The following CNKSR3 variants were observed in gnomAD, a reference collection of about 807,000 sequenced individuals.
CNKSR3 encodes the protein CNKSR family member 3.
In CNKSR3, 36 loss-of-function variants were observed where a neutral mutation model predicts 67.7. The ratio of observed to expected loss-of-function variants is 0.53; its 90% confidence interval spans 0.41 to 0.70. The LOEUF (loss-of-function observed/expected upper bound fraction) is 0.70. Among genes scored for constraint, CNKSR3 ranks in the 30% least tolerant of loss-of-function variants. CNKSR3 has a pLI of 0.00. For synonymous variants in CNKSR3, 281 were observed against 271.4 expected (o/e 1.04, Z -0.35); for missense variants, 630 against 695.2 (o/e 0.91, Z 1.05).
intron 1 of CNKSR3, among the ~76,000 whole-genome samples, chr6:154,497,396 CGAGA>C (rs1786901586): frequency 6.6e-6 from 1 of 151,594 alleles, no homozygotes; most frequent in South Asian, 2.1e-4. Flanking sequence ...GTCTCAAAAA[CGAGA>C]GAAAGAGAGA....
intron 1 of CNKSR3, among the ~76,000 whole-genome samples, chr6:154,495,041 C>T (rs73794120): frequency 0.19 from 28,308 of 152,102 alleles, 3,810 homozygotes; most frequent in African/African-American, 0.39. Context: ...GAAATAATTC[C>T]GGGTGTCATA....
intron 9 of CNKSR3, among the ~76,000 whole-genome samples, chr6:154,416,823 G>T (rs1431856930): frequency 6.6e-6 from 1 of 152,148 alleles, no homozygotes; most frequent in Non-Finnish European, 1.5e-5. Context: ...TGGTAACTAA[G>T]CTATAAAATG....
rs1001877166 is a variant in CNKSR3, at chr6:154,403,854, G to T, written c.*2500C>A. The T allele has an allele frequency of 6.6e-6, 1 of 152,188 alleles. No homozygotes were observed. The highest frequency in any genetic ancestry group is 2.4e-5 in the African/African-American group (1 of 41,428). The allele number at this position is 152,188 out of a possible 1,614,324, so 9.4% of individuals were successfully genotyped here. A position where few individuals can be genotyped will look rare whatever the true frequency, so the allele number is the denominator to read the frequency against. On this transcript the variant is annotated 3_prime_UTR_variant, in exon 13 of 13. Transcript: ENST00000607772. ...ATTCACAAGTGGCATTTTCCCCACAGAAAAAGAGCTCACCAGCCAGCTAAG... is the reference window on the plus strand; with the variant it reads ...ATTCACAAGTGGCATTTTCCCCACATAAAAAGAGCTCACCAGCCAGCTAAG...
intron 1 of CNKSR3, among the ~76,000 whole-genome samples, chr6:154,452,465 G>A (rs1190783243): frequency 6.6e-6 from 1 of 152,166 alleles, no homozygotes; most frequent in Non-Finnish European, 1.5e-5. Context: ...AGAAATTACT[G>A]TGAAGTTTAC....
At chr6:154,451,487 GCACACACGCATACATGCACA>G (rs67219846) in intron 1 of CNKSR3, among the ~76,000 whole-genome samples, 104,682 of 150,078 alleles carry the variant, frequency 0.7, 36,493 homozygotes, top group East Asian at 0.9. Context: ...ACACACACAC[GCACACACGCATACATGCACA>G]CACACGCGCA....
At chr6:154,429,540 T>C (rs1366962872) in intron 6 of CNKSR3, among the ~76,000 whole-genome samples, 2 of 152,318 alleles carry the variant, frequency 1.3e-5, no homozygotes, top group East Asian at 3.9e-4. Context: ...TGTTTAAACT[T>C]AATCTGATAT....
intron 4 of CNKSR3, among the ~76,000 whole-genome samples, chr6:154,437,743 G>A (rs1015573098): frequency 2.0e-5 from 3 of 151,660 alleles, no homozygotes; most frequent in Non-Finnish European, 2.9e-5. Context: ...CAGAACATGC[G>A]CTTGTCAAGA....
Position 154,396,989 on chromosome 6 carries a change from G to C in CNKSR3, c.*9365C>G, listed in dbSNP as rs1027560758. On this transcript the variant is annotated 3_prime_UTR_variant, in exon 13 of 13. Transcript: ENST00000607772. ...TAATTTTTTTTTTTTTATATTTTTA[G>C]TAGAGACGGGGTTTCACCGTGTTAG... is the stretch of plus-strand genomic sequence containing the variant. 4 of 150,746 alleles carry C rather than the reference G, an allele frequency of 2.7e-5. No individual in the cohort carries two copies. The highest frequency in any genetic ancestry group is 9.8e-5 in the African/African-American group (4 of 40,836). 9.3% of individuals were successfully genotyped at this position (150,746 alleles called of 1,614,324 possible). A position where few individuals can be genotyped will look rare whatever the true frequency, so the allele number is the denominator to read the frequency against.
chr6:154,416,884 G>A (rs573302791), intron 9 of CNKSR3, among the ~76,000 whole-genome samples: 47 of 152,278 alleles, frequency 3.1e-4, no homozygotes, highest in African/African-American at 1.1e-3. Flanking sequence ...GCAAAATTAG[G>A]AGTCTCTGTC....
At chr6:154,416,789 T>C (rs1785033219) in intron 9 of CNKSR3, among the ~76,000 whole-genome samples, 1 of 152,146 alleles carries the variant, frequency 6.6e-6, no homozygotes, top group African/African-American at 2.4e-5. Flanking sequence ...TCTGAAAATA[T>C]CCTGGGCACA....
Position 154,500,664 on chromosome 6 carries a change from G to A in CNKSR3, c.52+9399C>T, listed in dbSNP as rs141390365. Among the ~76,000 whole-genome samples, 385 of 152,212 alleles carry A rather than the reference G, an allele frequency of 2.5e-3. 5 individuals carry two copies. The highest frequency in any genetic ancestry group is 8.8e-3 in the African/African-American group (364 of 41,530). ...TGCCATCTATTCCACCAAAAGTATG[G>A]GAGCTATAGTTTCTAAAGCAAACAT... is the stretch of plus-strand genomic sequence containing the variant. On this transcript the variant is annotated intron_variant, in intron 1 of 12. Coordinates refer to ENST00000607772, the MANE Select transcript of CNKSR3 (RefSeq NM_173515.4).
At chr6:154,455,566 C>T (rs1049455232) in intron 1 of CNKSR3, among the ~76,000 whole-genome samples, 4 of 151,798 alleles carry the variant, frequency 2.6e-5, no homozygotes, top group Non-Finnish European at 5.9e-5. Flanking sequence ...GGATTATAGG[C>T]ACCCGCCAAC....
chr6:154,499,605 C>T (rs1786942706), intron 1 of CNKSR3, among the ~76,000 whole-genome samples: 1 of 152,160 alleles, frequency 6.6e-6, no homozygotes, highest in African/African-American at 2.4e-5. Context: ...CTCTATTCCA[C>T]GGTGCCAATC....
intron 9 of CNKSR3, among the ~76,000 whole-genome samples, chr6:154,419,084 A>C (rs1785082839): frequency 7.2e-6 from 1 of 139,738 alleles, no homozygotes; most frequent in Admixed American, 7.7e-5. Flanking sequence ...TCTGTCACTC[A>C]GGGTGGATGC....
chr6:154,466,713 A>G (rs968061823), intron 1 of CNKSR3, among the ~76,000 whole-genome samples: 7 of 151,604 alleles, frequency 4.6e-5, no homozygotes, highest in Admixed American at 2.6e-4. Flanking sequence ...TCCACCTCCC[A>G]GGCTCAAATG....
Position 154,422,985 on chromosome 6 carries a change from T to C in CNKSR3, c.730-2A>G. The stretch of plus-strand genomic sequence containing the variant: ...CTTCTGAGATCTGTCTGCAGGAGAC[T>C]GTACAGAAACAAAATAACCTGCCTT... On this transcript the variant is annotated splice_acceptor_variant, in intron 7 of 12. Coordinates refer to ENST00000607772, the MANE Select transcript of CNKSR3 (RefSeq NM_173515.4). LOFTEE classifies it high-confidence loss of function. The C allele has an allele frequency of 3.8e-6, 6 of 1,598,824 alleles. No individual in the cohort carries two copies. Among genetic ancestry groups the C allele is most frequent in the Non-Finnish European group, 4.3e-6 (5 of 1,171,556 alleles).
At chr6:154,508,388 C>T (rs1173575229) in intron 1 of CNKSR3, among the ~76,000 whole-genome samples, 2 of 152,102 alleles carry the variant, frequency 1.3e-5, no homozygotes, top group Admixed American at 6.6e-5. Context: ...CAATTCTAAC[C>T]AGCCACATTT....
intron 9 of CNKSR3, among the ~76,000 whole-genome samples, chr6:154,418,430 C>T (rs544282646): frequency 6.6e-5 from 10 of 152,280 alleles, no homozygotes; most frequent in East Asian, 1.9e-4. Flanking sequence ...GTTTTGTGGG[C>T]GAGTGTGTTT....
chr6:154,509,010 G>C (rs1787157960), intron 1 of CNKSR3, among the ~76,000 whole-genome samples: 1 of 152,102 alleles, frequency 6.6e-6, no homozygotes, highest in African/African-American at 2.4e-5. Flanking sequence ...CAATAACAGA[G>C]AGAGCTCTTA....
Sources: allele counts gnomAD v4.1 joint callset (sites outside exome capture counted in the v4.1 genomes callset), GRCh38; gene constraint gnomAD v4.1.1; transcripts MANE v1.5; gene names NCBI Gene and HGNC (gene_info 2026-07-23, HGNC 2026-07-21).